Variants in FTCD observed in about 807,000 individuals in gnomAD.
FTCD encodes formimidoyltransferase cyclodeaminase.
In FTCD, 76 loss-of-function variants were observed where a neutral mutation model predicts 62.9. That is an observed-to-expected ratio of 1.21 (90% CI 1.00 to 1.46). The LOEUF (loss-of-function observed/expected upper bound fraction) is 1.46, where lower values mean the gene tolerates loss of function less well. Ranked by LOEUF, FTCD falls within the 40% of genes most tolerant of loss-of-function variation. The pLI, the probability that FTCD is intolerant of heterozygous loss-of-function variation, is 0.00. For missense variants in FTCD, 845 were observed against 751.3 expected, an observed-to-expected ratio of 1.12 and a Z score of -1.46; for synonymous variants, 397 against 336.9, an observed-to-expected ratio of 1.18 and a Z score of -1.95.
chr21:46,152,200 C>A, intron 3 of FTCD: 2 of 527,866 alleles, frequency 3.8e-6, no homozygotes, highest in South Asian at 3.1e-5. Flanking sequence ...CCTCAGAGGG[C>A]CCTGAAAAGG....
chr21:46,138,362 G>A (rs891289007), intron 12 of FTCD, 146 bp downstream of exon 12: 10 of 726,972 alleles, frequency 1.4e-5, no homozygotes, highest in African/African-American at 5.3e-5. Flanking sequence ...CCTGTTGGAG[G>A]AGGCCAAAGC....
chr21:46,153,198 G>T (rs958789438), intron 2 of FTCD, among the ~76,000 whole-genome samples, 163 bp from the exon 3 acceptor site: 1 of 152,156 alleles, frequency 6.6e-6, no homozygotes, highest in Non-Finnish European at 1.5e-5. Flanking sequence ...GGCCCTGGGC[G>T]CTCCCAGCCC....
downstream of FTCD, chr21:46,136,755 A>G (rs969777012): frequency 5.6e-5 from 83 of 1,491,278 alleles, no homozygotes; most frequent in Non-Finnish European, 6.4e-5. Flanking sequence ...CCCTGCCCCC[A>G]AAACCGCCAA....
In FTCD at chr21:46,151,982, T is replaced by G; in HGVS notation, c.368-2A>C. On this transcript the variant is annotated splice_acceptor_variant, in intron 3 of 13. Coordinates refer to ENST00000397746, the MANE Select transcript of FTCD (RefSeq NM_206965.2). LOFTEE classifies it high-confidence loss of function. The stretch of plus-strand genomic sequence containing the variant: ...TGGCTGCCTCGCCGTACAGGTAAAC[T>G]GCAGGAGAGCCCGGCGGTCAGGCCT... The G allele has an allele frequency of 1.3e-6, 2 of 1,561,962 alleles. No individual in the cohort carries two copies. Among genetic ancestry groups the G allele is most frequent in the African/African-American group, 2.7e-5 (2 of 73,730 alleles).
intron 10 of FTCD, among the ~76,000 whole-genome samples, chr21:46,139,305 A>G (rs553880444): frequency 6.6e-5 from 10 of 152,262 alleles, no homozygotes; most frequent in African/African-American, 2.2e-4. Context: ...GCCTGGGCAT[A>G]AGAGGCTCAG....
At chr21:46,151,823 G>A (rs867522626) in intron 4 of FTCD, 69 bp downstream of exon 4, 1 of 1,568,300 alleles carries the variant, frequency 6.4e-7, no homozygotes. Flanking sequence ...GCCCGGCCCA[G>A]CCACCCCAGC....
intron 10 of FTCD, among the ~76,000 whole-genome samples, chr21:46,141,597 G>C (rs890243249): frequency 6.6e-6 from 1 of 151,998 alleles, no homozygotes; most frequent in Admixed American, 6.6e-5. Flanking sequence ...ATAAAGTCAG[G>C]ATTGACACAT....
rs1271094452 is a variant in FTCD at position 46,145,536 on chromosome 21, G to C, written c.1141C>G (p.Arg381Gly). ...GSMVGLMTYGRRQFQSLDTTM... is the reference protein window; with the variant it reads ...GSMVGLMTYGGRQFQSLDTTM... Reference sequence around the variant, plus strand: ...GTGTCCAGGGACTGGAATTGGCGCCGCCCGTAGGTCATGAGGCCCACCATG... The same window carrying C: ...GTGTCCAGGGACTGGAATTGGCGCCCCCCGTAGGTCATGAGGCCCACCATG... Residue 381 changes from arginine to glycine, a missense_variant, in exon 10 of 14, where the codon CGG becomes GGG. Physicochemically the swap from Arg to Gly is moderately radical, Grantham distance 125 (BLOSUM62 -2). Coordinates refer to ENST00000397746, the MANE Select transcript of FTCD (RefSeq NM_206965.2). The C allele has an allele frequency of 3.9e-6, 6 of 1,546,358 alleles. No individual in the cohort carries two copies. Among genetic ancestry groups the C allele is most frequent in the Non-Finnish European group, 4.4e-6 (5 of 1,145,332 alleles).
At chr21:46,136,620 T>C, downstream of FTCD, 1 of 1,503,232 alleles carries the variant, frequency 6.7e-7, no homozygotes, top group Non-Finnish European at 8.9e-7. Context: ...GCACTGGGTG[T>C]CTGGGGACCC....
chr21:46,145,728 CA>C (rs2079125773), intron 9 of FTCD, 89 bp downstream of exon 9: 2 of 370,462 alleles, frequency 5.4e-6, no homozygotes, highest in East Asian at 5.0e-5. Flanking sequence ...GCGCCCTCCC[CA>C]CCCCGTGCCC....
intron 5 of FTCD, 117 bp from the exon 6 acceptor site, chr21:46,150,642 G>T: frequency 9.4e-7 from 1 of 1,064,194 alleles, no homozygotes; most frequent in Non-Finnish European, 1.5e-6. Flanking sequence ...TGCCTGGGTG[G>T]GTGCTGTGGT....
In FTCD at chr21:46,150,374, G is replaced by A. The variant is rs777337960; in HGVS notation, c.774+14C>T. 6.2e-7 allele frequency: 1 copy of A among 1,612,720 alleles called. No homozygotes were observed. The highest frequency in any genetic ancestry group is 8.5e-7 in the Non-Finnish European group (1 of 1,179,898). The stretch of plus-strand genomic sequence containing the variant: ...CTCGCCCCTCACAGCAGCAGCGGCT[G>A]CTCCCGGGCTCACCTGTGCTTCTCG... On this transcript the variant is annotated intron_variant, in intron 6 of 13. Transcript: ENST00000397746.
At chr21:46,148,495 T>C (rs1190462899) in intron 7 of FTCD, among the ~76,000 whole-genome samples, 1 of 152,196 alleles carries the variant, frequency 6.6e-6, no homozygotes, top group Non-Finnish European at 1.5e-5. Flanking sequence ...GGTCCTTGCC[T>C]GTAATCCCAG....
At position 46,138,655 on chromosome 21, in the gene FTCD, A is replaced by G; in HGVS notation, c.1305-9T>C. On this transcript the variant is annotated splice_polypyrimidine_tract_variant and intron_variant, in intron 11 of 13. Coordinates refer to ENST00000397746, the MANE Select transcript of FTCD (RefSeq NM_206965.2). Reference sequence around the variant, plus strand: ...GTAGGGCCGCCGTGCGCCTGAAAGGAGCAAGAGGAGAGCCTGAGCACAGCG... The same window carrying G: ...GTAGGGCCGCCGTGCGCCTGAAAGGGGCAAGAGGAGAGCCTGAGCACAGCG... 1 of 1,596,256 alleles carries G rather than the reference A, an allele frequency of 6.3e-7. No individual in the cohort carries two copies. The highest frequency in any genetic ancestry group is 8.5e-7 in the Non-Finnish European group (1 of 1,178,108).
At chr21:46,149,364 T>C (rs1405511297) in intron 7 of FTCD, among the ~76,000 whole-genome samples, 2 of 152,140 alleles carry the variant, frequency 1.3e-5, no homozygotes, top group African/African-American at 4.8e-5. Flanking sequence ...GAGAACTAAA[T>C]AACTGGGTCA....
chr21:46,146,314 A>T lies in FTCD; in HGVS notation c.920T>A (p.Leu307Gln). 1 of 1,603,250 alleles carries T rather than the reference A, an allele frequency of 6.2e-7. No individual in the cohort carries two copies. Among genetic ancestry groups the T allele is most frequent in the Middle Eastern group, 1.7e-4 (1 of 6,034 alleles). The change falls in exon 8 of 14, where the codon CTG becomes CAG. Residue 307 changes from leucine to glutamine, a missense_variant. Coordinates refer to ENST00000397746, the MANE Select transcript of FTCD (RefSeq NM_206965.2). Reference sequence around the variant, plus strand: ...GAAGGGGCACAGGGAGTCCAGGCCCAGCCGGCTCACCACCTGGAAAAGGGG... The same window carrying T: ...GAAGGGGCACAGGGAGTCCAGGCCCTGCCGGCTCACCACCTGGAAAAGGGG... ...EQRIRLVVSRLGLDSLCPFSP... is the reference protein window; with the variant it reads ...EQRIRLVVSRQGLDSLCPFSP...
rs368563865 is a variant in FTCD at position 46,136,952 on chromosome 21, A to C, written c.*35T>G. 2 of 1,612,308 alleles carry C rather than the reference A, an allele frequency of 1.2e-6. No individual in the cohort carries two copies. The highest frequency in any genetic ancestry group is 2.7e-5 in the African/African-American group (2 of 74,844). On this transcript the variant is annotated 3_prime_UTR_variant, in exon 14 of 14. Coordinates refer to ENST00000397746, the MANE Select transcript of FTCD (RefSeq NM_206965.2). ...TCTGCCCTCTGGGGATGGGCGAGGG[A>C]GGGGCCACAGAGCCCGGAGAGGCCT...
intron 7 of FTCD, among the ~76,000 whole-genome samples, chr21:46,147,116 C>T (rs548764507): frequency 1.3e-5 from 2 of 152,344 alleles, no homozygotes; most frequent in South Asian, 4.1e-4. Flanking sequence ...CTGGGGGCAA[C>T]TGCCCCTCTC....
At chr21:46,140,956 A>AGCACTCC (rs1308049237) in intron 10 of FTCD, among the ~76,000 whole-genome samples, 2 of 151,440 alleles carry the variant, frequency 1.3e-5, no homozygotes, top group African/African-American at 2.4e-5. Flanking sequence ...AAACCAATCC[A>AGCACTCC]CTGATTTCGA....
Sources: allele counts gnomAD v4.1 joint callset (sites outside exome capture counted in the v4.1 genomes callset), GRCh38; gene constraint gnomAD v4.1.1; transcripts MANE v1.5; gene names NCBI Gene and HGNC (gene_info 2026-07-23, HGNC 2026-07-21).